The following OSBPL7 variants were observed in gnomAD, a reference collection of about 807,000 sequenced individuals.
The protein encoded by OSBPL7 is oxysterol binding protein like 7.
A neutral mutation model predicts 115.8 loss-of-function variants in OSBPL7; 66 were observed. That is an observed-to-expected ratio of 0.57 (90% confidence interval 0.47 to 0.70). The LOEUF (loss-of-function observed/expected upper bound fraction) is 0.70, where lower values mean the gene tolerates loss of function less well. Ranked by LOEUF, OSBPL7 falls within the 30% of genes least tolerant of loss-of-function variation. OSBPL7 has a pLI of 0.00. For missense variants in OSBPL7, 902 were observed against 1,125.5 expected (o/e 0.80, Z 2.84); for synonymous variants, 441 against 439.2 (o/e 1.00, Z -0.05).
chr17:47,817,189 A>T (rs1185591273), intron 8 of OSBPL7, 67 bp downstream of exon 8: 1 of 1,267,964 alleles, frequency 7.9e-7, no homozygotes, highest in African/African-American at 1.5e-5. Context: ...GAGGAATAGG[A>T]CCCATCCTGG....
At position 47,821,680 on chromosome 17, in the gene OSBPL7, AC is replaced by A. The variant is rs997815729; in HGVS notation, c.-103del. On this transcript the variant is annotated 5_prime_UTR_variant, in exon 1 of 23. Transcript: ENST00000007414. ...AGCCCCCTTACCCCAGGGTCCATGGACGCCAGTACTCCTTGGCCCTTGCGCC... is the reference window on the plus strand; with the variant it reads ...AGCCCCCTTACCCCAGGGTCCATGGAGCCAGTACTCCTTGGCCCTTGCGCC... The A allele has an allele frequency of 1.3e-4, 20 of 152,264 alleles. No homozygotes were observed. Among genetic ancestry groups the A allele is most frequent in the African/African-American group, 4.8e-4 (20 of 41,414 alleles). 9.4% of individuals were successfully genotyped at this position (152,264 alleles called of 1,614,324 possible).
intron 8 of OSBPL7, 143 bp downstream of exon 8, chr17:47,817,113 A>T (rs1248408469): frequency 2.8e-6 from 2 of 723,762 alleles, no homozygotes; most frequent in Non-Finnish European, 4.6e-6. Context: ...TACAGTTTGG[A>T]CATGGGTAAG....
In OSBPL7 at chr17:47,808,966, C is replaced by A; in HGVS notation, c.2195G>T (p.Arg732Leu). The change falls in exon 21 of 23, where the codon CGA (arginine) becomes CTA (leucine). Residue 732 changes from arginine to leucine, a missense_variant. This residue lies in a region of OSBPL7 where 230 missense variants were observed against 312.7 expected (regional missense o/e 0.74). Coordinates refer to ENST00000007414, the MANE Select transcript of OSBPL7 (RefSeq NM_145798.3). This position sits in a 1 kb window ranked among gnomAD's most constrained non-coding sequence, Gnocchi z 6.1. ...KPNSMPPDHE[R>L]NFGFTQFALE... The stretch of plus-strand genomic sequence containing the variant: ...GGCAAACTGGGTGAAGCCGAAGTTT[C>A]GCTCATGGTCGGGGGGCATTGAGTC... 6.2e-7 allele frequency: 1 copy of A among 1,614,148 alleles called. No homozygotes were observed. The highest frequency in any genetic ancestry group is 8.5e-7 in the Non-Finnish European group (1 of 1,180,040).
intron 12 of OSBPL7, 76 bp from the exon 13 acceptor site, chr17:47,815,428 C>T (rs2033183758): frequency 3.8e-6 from 6 of 1,580,986 alleles, no homozygotes; most frequent in East Asian, 4.5e-5. Flanking sequence ...GCTTGCCTGA[C>T]AGTTCCCTTG....
At position 47,820,357 on chromosome 17, in the gene OSBPL7, G is replaced by A. The variant is rs1794566732; in HGVS notation, c.-79C>T. On this transcript the variant is annotated 5_prime_UTR_variant, in exon 2 of 23. Coordinates refer to ENST00000007414, the MANE Select transcript of OSBPL7 (RefSeq NM_145798.3). ...AAGGGGAAGGATGTCACCTGCTCCT[G>A]ACGGGGTCCTTGAAGCAAGAGAAAG... 5.0e-6 allele frequency: 7 copies of A among 1,404,796 alleles called. No homozygotes were observed. The highest frequency in any genetic ancestry group is 3.9e-4 in the Middle Eastern group (2 of 5,136). 87.0% of individuals were successfully genotyped at this position (1,404,796 alleles called of 1,614,324 possible).
chr17:47,813,737 C>A lies in OSBPL7; in HGVS notation c.1449G>T (p.Leu483=). The change falls in exon 15 of 23, where the codon CTG becomes CTT. Residue 483 remains leucine (L), a synonymous_variant. Coordinates refer to ENST00000007414, the MANE Select transcript of OSBPL7 (RefSeq NM_145798.3). ...ACAGGTCTTTGCCGATGTTGTTGCG[C>A]AGAATGTTCCACAGGCTCACGTCAG... is the stretch of plus-strand genomic sequence containing the variant. ...PGADVSLWNI[L]RNNIGKDLSK... The A allele has an allele frequency of 6.2e-7, 1 of 1,613,428 alleles. No homozygotes were observed. Among genetic ancestry groups the A allele is most frequent in the Non-Finnish European group, 8.5e-7 (1 of 1,180,000 alleles).
chr17:47,810,719 A>G (rs776375311), intron 17 of OSBPL7, 47 bp from the exon 18 acceptor site: 16 of 1,612,740 alleles, frequency 9.9e-6, no homozygotes, highest in Non-Finnish European at 3.4e-6. Context: ...AGATAAGGCC[A>G]GAGGGTGTTC....
chr17:47,813,872 C>G, intron 14 of OSBPL7, 38 bp from the exon 15 acceptor site: 1 of 1,568,158 alleles, frequency 6.4e-7, no homozygotes, highest in Non-Finnish European at 8.6e-7. Context: ...CATCTGGGCA[C>G]CAGGCATCCC....
chr17:47,810,503 C>T (rs1394367524), intron 18 of OSBPL7, 91 bp downstream of exon 18: 10 of 1,150,566 alleles, frequency 8.7e-6, no homozygotes, highest in Non-Finnish European at 1.2e-5. Flanking sequence ...CCTTCCTATC[C>T]CGTCCTTATC....
At position 47,820,319 on chromosome 17, in the gene OSBPL7, G is replaced by T; in HGVS notation, c.-41C>A. On this transcript the variant is annotated 5_prime_UTR_variant, in exon 2 of 23. The change creates a new upstream start codon in the 5' untranslated region. Coordinates refer to ENST00000007414, the MANE Select transcript of OSBPL7 (RefSeq NM_145798.3). ...CACTCCCTGCTGGGGATGTAGAGCA[G>T]GGAGCAGGGTGGAAGGGGAAGGATG... 1.3e-6 allele frequency: 2 copies of T among 1,598,062 alleles called. No homozygotes were observed. Among genetic ancestry groups the T allele is most frequent in the Non-Finnish European group, 1.7e-6 (2 of 1,170,466 alleles).
intron 16 of OSBPL7, 38 bp from the exon 17 acceptor site, chr17:47,810,873 A>G (rs2033020261): frequency 1.3e-6 from 2 of 1,598,882 alleles, no homozygotes; most frequent in Non-Finnish European, 1.7e-6. Context: ...GCTGTCCCCG[A>G]GCACCATTAG....
chr17:47,814,700 A>ACCAAAGGGCTAGTTGGGC, intron 13 of OSBPL7, 86 bp from the exon 14 acceptor site: 1 of 1,178,878 alleles, frequency 8.5e-7, no homozygotes, highest in Non-Finnish European at 1.2e-6. Context: ...GAATCTGCCC[A>ACCAAAGGGCTAGTTGGGC]ACTAGCCCTT....
Position 47,808,464 on chromosome 17 carries a change from G to A in OSBPL7, c.2421-65C>T, listed in dbSNP as rs1567937435. ...AGAAGGCAGGCTAGGGTCCTAAGGT[G>A]CTGCCTCCCACACCTGCCCTGCTCC... is the stretch of plus-strand genomic sequence containing the variant. On this transcript the variant is annotated intron_variant, in intron 22 of 22. Transcript: ENST00000007414. The surrounding 1 kb of genome is among the most constrained non-coding windows in gnomAD (Gnocchi z 6.1). 7 of 1,613,750 alleles carry A rather than the reference G, an allele frequency of 4.3e-6. No homozygotes were observed. The highest frequency in any genetic ancestry group is 5.9e-6 in the Non-Finnish European group (7 of 1,179,652).
In OSBPL7 at chr17:47,813,737, C is replaced by T. The variant is rs916856601; in HGVS notation, c.1449G>A (p.Leu483=). ...ACAGGTCTTTGCCGATGTTGTTGCG[C>T]AGAATGTTCCACAGGCTCACGTCAG... ...PGADVSLWNI[L]RNNIGKDLSK... Residue 483 remains leucine, a synonymous_variant, in exon 15 of 23, where the codon CTG becomes CTA. Transcript: ENST00000007414. 24 of 1,613,310 alleles carry T rather than the reference C, an allele frequency of 1.5e-5. No homozygotes were observed. The Admixed American group carries it at 3.0e-4, about 20-fold the overall frequency.
chr17:47,819,852 C>T, intron 3 of OSBPL7, 70 bp from the exon 4 acceptor site: 1 of 1,610,644 alleles, frequency 6.2e-7, no homozygotes, highest in Non-Finnish European at 8.5e-7. Flanking sequence ...AAGGCAACCA[C>T]ACAAATTAGC....
At chr17:47,812,015 A>G (rs1252698923) in intron 16 of OSBPL7, among the ~76,000 whole-genome samples, 7 of 151,780 alleles carry the variant, frequency 4.6e-5, no homozygotes, top group Non-Finnish European at 8.8e-5. Context: ...AATCTTCACC[A>G]TGTTTCCAAA....
At chr17:47,815,036 T>A in intron 13 of OSBPL7, 179 bp downstream of exon 13, 1 of 788,064 alleles carries the variant, frequency 1.3e-6, no homozygotes, top group Non-Finnish European at 2.0e-6. Flanking sequence ...AGGAGAAGAG[T>A]CCCTAGCAGA....
At chr17:47,819,432 G>A in intron 4 of OSBPL7, 1 of 571,826 alleles carries the variant, frequency 1.7e-6, no homozygotes, top group Non-Finnish European at 3.1e-6. Flanking sequence ...CTGAGAATGG[G>A]ACCAGGATGA....
Position 47,808,805 on chromosome 17 carries a change from T to C in OSBPL7, c.2297+59A>G. 1 of 1,609,984 alleles carries C rather than the reference T, an allele frequency of 6.2e-7. No individual in the cohort carries two copies. The highest frequency in any genetic ancestry group is 1.1e-5 in the South Asian group (1 of 90,910). ...TGAAGGAAGGACAAAGCCCCAGCTCTGTACTCTGTGGAGGGAGTGAACTAG... is the reference window on the plus strand; with the variant it reads ...TGAAGGAAGGACAAAGCCCCAGCTCCGTACTCTGTGGAGGGAGTGAACTAG... On this transcript the variant is annotated intron_variant, in intron 21 of 22. Transcript: ENST00000007414. The surrounding 1 kb of genome is among the most constrained non-coding windows in gnomAD (Gnocchi z 6.1).
Sources: allele counts gnomAD v4.1 joint callset (sites outside exome capture counted in the v4.1 genomes callset), GRCh38; gene constraint gnomAD v4.1.1; regional missense constraint gnomAD v4.1.1; non-coding constraint Gnocchi (gnomAD v3.1); transcripts MANE v1.5; gene names NCBI Gene and HGNC (gene_info 2026-07-23, HGNC 2026-07-21).